Variants in VAPA observed in about 807,000 individuals in gnomAD.
VAPA encodes the protein vesicle-associated membrane protein-associated protein A.
Under a neutral mutation model 25.6 loss-of-function variants are expected in VAPA, and 6 were observed. The observed-to-expected ratio is 0.23, with a 90% CI of 0.13 to 0.46. The LOEUF (loss-of-function observed/expected upper bound fraction) is 0.46. VAPA is among the 20% of genes least tolerant of loss of function. The pLI, the probability that VAPA is intolerant of heterozygous loss-of-function variation, is 0.99. For missense variants in VAPA, 244 were observed against 302.1 expected (o/e 0.81, Z 1.43); for synonymous variants, 112 against 106.2 (o/e 1.05, Z -0.34).
intron 2 of VAPA, among the ~76,000 whole-genome samples, chr18:9,934,757 T>C (rs1208231347): frequency 3.9e-5 from 6 of 152,200 alleles, no homozygotes; most frequent in Non-Finnish European, 1.5e-5. Flanking sequence ...TACATAAATT[T>C]AGCATGACTT....
intron 1 of VAPA, among the ~76,000 whole-genome samples, chr18:9,922,460 CTT>C (rs2069165107): frequency 6.6e-6 from 1 of 152,078 alleles, no homozygotes; most frequent in African/African-American, 2.4e-5. Flanking sequence ...CAAAATCACA[CTT>C]AAGAGTTTAT....
At chr18:9,947,158 T>TA (rs1429846879) in intron 4 of VAPA, among the ~76,000 whole-genome samples, 7 of 152,192 alleles carry the variant, frequency 4.6e-5, no homozygotes, top group African/African-American at 1.2e-4. Context: ...GAGTCTGACT[T>TA]AGAGTGTCCT....
chr18:9,914,256 G>C lies in VAPA; in HGVS notation c.-1G>C, dbSNP rs377367280. 5.7e-6 allele frequency: 9 copies of C among 1,581,104 alleles called. No individual in the cohort carries two copies. Among genetic ancestry groups the C allele is most frequent in the Non-Finnish European group, 7.7e-6 (9 of 1,165,738 alleles). Reference sequence around the variant, plus strand: ...CGCCCCCGCTCTGCGCTGTCTCTCCGATGGCGTCCGCCTCAGGGGCCATGG... The same window carrying C: ...CGCCCCCGCTCTGCGCTGTCTCTCCCATGGCGTCCGCCTCAGGGGCCATGG... On this transcript the variant is annotated 5_prime_UTR_variant, in exon 1 of 6. Transcript: ENST00000400000.
In VAPA at chr18:9,959,738, A is replaced by G; in HGVS notation, c.*5527A>G. 6.6e-6 allele frequency: 1 copy of G among 151,354 alleles called. No individual in the cohort carries two copies. The highest frequency in any genetic ancestry group is 2.1e-4 in the South Asian group (1 of 4,796). 9.4% of individuals were successfully genotyped at this position (151,354 alleles called of 1,614,324 possible). ...CATTGTTCCAAAAAAAAAAAAAAAA[A>G]AAAAAAAAATGTGGAGGGTTGAAAT... On this transcript the variant is annotated 3_prime_UTR_variant, in exon 6 of 6. Transcript: ENST00000400000.
At chr18:9,939,259 C>T (rs2069342378) in intron 4 of VAPA, among the ~76,000 whole-genome samples, 1 of 151,172 alleles carries the variant, frequency 6.6e-6, no homozygotes, top group African/African-American at 2.4e-5. Context: ...GCAACCTCTG[C>T]CTCCCGGGTT....
chr18:9,925,509 TA>T (rs2069193421), intron 1 of VAPA, among the ~76,000 whole-genome samples: 1 of 152,118 alleles, frequency 6.6e-6, no homozygotes, highest in Non-Finnish European at 1.5e-5. Flanking sequence ...ACTCTATTTG[TA>T]CAAAAATATT....
chr18:9,914,157 C>A lies in VAPA; in HGVS notation c.-100C>A. 2 of 1,086,796 alleles carry A rather than the reference C, an allele frequency of 1.8e-6. No individual in the cohort carries two copies. The highest frequency in any genetic ancestry group is 2.6e-6 in the Non-Finnish European group (2 of 773,972). The allele number at this position is 1,086,796 out of a possible 1,614,324, so 67.3% of individuals were successfully genotyped here. A position where few individuals can be genotyped will look rare whatever the true frequency, so the allele number is the denominator to read the frequency against. ...AGGGCTCGGGAGCCGCGAGCCTGGC[C>A]TCGTCCTAGAGCTCGGCCGAGCCGT... is the stretch of plus-strand genomic sequence containing the variant. On this transcript the variant is annotated 5_prime_UTR_variant, in exon 1 of 6. Coordinates refer to ENST00000400000, the MANE Select transcript of VAPA (RefSeq NM_194434.3).
intron 4 of VAPA, among the ~76,000 whole-genome samples, chr18:9,943,820 A>G (rs908243734): frequency 4.1e-5 from 5 of 123,070 alleles, no homozygotes; most frequent in African/African-American, 6.0e-5. Context: ...TCCATCTGAC[A>G]TTTGAAGGTG....
intron 1 of VAPA, among the ~76,000 whole-genome samples, chr18:9,919,398 A>G (rs1473705563): frequency 2.0e-5 from 3 of 152,364 alleles, no homozygotes; most frequent in South Asian, 2.1e-4. Flanking sequence ...ATGAATAAAT[A>G]TTGGAACTAC....
intron 4 of VAPA, among the ~76,000 whole-genome samples, chr18:9,947,338 A>G (rs937040165): frequency 1.3e-5 from 2 of 152,256 alleles, no homozygotes; most frequent in Admixed American, 6.5e-5. Context: ...TATTTACACC[A>G]GCATCACCAC....
chr18:9,945,164 A>G, intron 4 of VAPA: 1 of 1,315,792 alleles, frequency 7.6e-7, no homozygotes, highest in South Asian at 1.4e-5. Flanking sequence ...TGTATGAAGT[A>G]GATAGAATTG....
intron 5 of VAPA, chr18:9,950,987 T>C (rs1266846531): frequency 6.4e-6 from 1 of 155,274 alleles, no homozygotes; most frequent in African/African-American, 2.4e-5. Flanking sequence ...GTTGAAGAGT[T>C]AGTACAGAAA....
chr18:9,954,031 T>G (rs760981556), intron 5 of VAPA, 22 bp from the exon 6 acceptor site: 3 of 1,612,346 alleles, frequency 1.9e-6, no homozygotes. Flanking sequence ...AAAAACCTTT[T>G]GTGTGTGTGT....
Position 9,957,926 on chromosome 18 carries a change from G to A in VAPA, c.*3715G>A, listed in dbSNP as rs951721070. On this transcript the variant is annotated 3_prime_UTR_variant, in exon 6 of 6. Coordinates refer to ENST00000400000, the MANE Select transcript of VAPA (RefSeq NM_194434.3). ...TGGTAGACTACCACCACGCTTCTTCGCGTAAGCAGTGGCATCTTGGGAATG... is the reference window on the plus strand; with the variant it reads ...TGGTAGACTACCACCACGCTTCTTCACGTAAGCAGTGGCATCTTGGGAATG... The A allele has an allele frequency of 2.6e-5, 4 of 152,184 alleles. No homozygotes were observed. The highest frequency in any genetic ancestry group is 2.1e-4 in the South Asian group (1 of 4,832). 9.4% of individuals were successfully genotyped at this position (152,184 alleles called of 1,614,324 possible). A position where few individuals can be genotyped will look rare whatever the true frequency, so the allele number is the denominator to read the frequency against.
intron 4 of VAPA, 152 bp downstream of exon 4, chr18:9,937,218 C>CT (rs10642192): frequency 0.22 from 45,063 of 205,074 alleles, 1,906 homozygotes; most frequent in Middle Eastern, 0.28. Context: ...CTTGGTATGC[C>CT]TTTTTTTTTT....
intron 1 of VAPA, among the ~76,000 whole-genome samples, chr18:9,926,307 A>G (rs978576518): frequency 2.0e-5 from 3 of 152,134 alleles, no homozygotes; most frequent in Non-Finnish European, 2.9e-5. Flanking sequence ...TTAATTAGCT[A>G]AAACCTGTTA....
chr18:9,924,941 T>G (rs2069187680), intron 1 of VAPA: 1 of 152,072 alleles, frequency 6.6e-6, no homozygotes, highest in Non-Finnish European at 1.5e-5. Flanking sequence ...AGCATCTCCC[T>G]TGCCCCAGAA....
At chr18:9,948,915 T>G (rs1344332156) in intron 4 of VAPA, 1 of 152,232 alleles carries the variant, frequency 6.6e-6, no homozygotes, top group Non-Finnish European at 1.5e-5. Flanking sequence ...TGATACTTTT[T>G]CCCAATTTTT....
At chr18:9,926,797 GTGT>G (rs1033473281) in intron 1 of VAPA, among the ~76,000 whole-genome samples, 10 of 152,064 alleles carry the variant, frequency 6.6e-5, no homozygotes, top group Non-Finnish European at 1.0e-4. Context: ...CAGAAGGGAG[GTGT>G]TGTCTTCTAA....
Sources: allele counts gnomAD v4.1 joint callset (sites outside exome capture counted in the v4.1 genomes callset), GRCh38; gene constraint gnomAD v4.1.1; transcripts MANE v1.5; gene names NCBI Gene and HGNC (gene_info 2026-07-23, HGNC 2026-07-21).